Variants in TLE5 observed in about 807,000 individuals in gnomAD.
TLE5 encodes TLE family member 5.
TLE5 carries 7 observed loss-of-function variants against 25.8 expected under a neutral mutation model. The ratio of observed to expected loss-of-function variants is 0.27; its 90% CI spans 0.15 to 0.51. TLE5 has a LOEUF of 0.51. TLE5 is among the 20% of genes least tolerant of loss of function. The probability of loss-of-function intolerance (pLI) is 0.97; values close to 1 mark genes in which losing one functional copy is unlikely to be tolerated. For synonymous variants in TLE5, 132 were observed against 110.5 expected (o/e 1.20, Z -1.22); for missense variants, 149 against 250.7 (o/e 0.59, Z 2.74).
Position 3,053,219 on chromosome 19 carries a change from C to G in TLE5, c.*600G>C, listed in dbSNP as rs1380220703. 2.6e-5 allele frequency: 4 copies of G among 152,560 alleles called. No homozygotes were observed. Among genetic ancestry groups the G allele is most frequent in the South Asian group, 4.1e-4 (2 of 4,834 alleles). 9.5% of individuals were successfully genotyped at this position (152,560 alleles called of 1,614,324 possible). A position where few individuals can be genotyped will look rare whatever the true frequency, so the allele number is the denominator to read the frequency against. ...GGAATCCTGGGTCGCCCACCCTCAC[C>G]CTGCTCCTCCCAGCTCAGCTAAGCT... On this transcript the variant is annotated 3_prime_UTR_variant, in exon 7 of 7. Transcript: ENST00000327141.
At chr19:3,062,782 G>A, upstream of TLE5, 4 of 1,549,516 alleles carry the variant, frequency 2.6e-6, no homozygotes, top group African/African-American at 1.4e-5. Context: ...CGGCCCTGCT[G>A]TGGCACGACC....
intron 5 of TLE5, 172 bp downstream of exon 5, chr19:3,055,492 C>T: frequency 2.2e-6 from 1 of 463,668 alleles, no homozygotes. Flanking sequence ...GTGTCTCTGG[C>T]CCGGGGATTC....
chr19:3,057,608 C>CCTCCCCTGGGAT (rs2090230707), intron 3 of TLE5, 71 bp downstream of exon 3: 4 of 1,458,124 alleles, frequency 2.7e-6, no homozygotes. Flanking sequence ...AGCAGCTGCC[C>CCTCCCCTGGGAT]GTGGTGGAGG....
At chr19:3,057,885 A>G (rs1363401689) in intron 2 of TLE5, 143 bp from the exon 3 acceptor site, 1 of 684,066 alleles carries the variant, frequency 1.5e-6, no homozygotes, top group Non-Finnish European at 2.5e-6. Flanking sequence ...TCAAGCAATA[A>G]TTTTTTTTTT....
rs1249319516 is a variant in TLE5 at position 3,057,718 on chromosome 19, C to T, written c.150G>A (p.Leu50=). ...GCTGCATCTCTGACTTCTCACTGGC[C>T]AACTTGTCACATTCGAGCTTGAGGC... The part of the protein sequence containing the change: ...YHSLKLECDK[L]ASEKSEMQRH... The change falls in exon 3 of 7, where the codon TTG becomes TTA. Residue 50 remains leucine (L), a synonymous_variant. Coordinates refer to ENST00000327141, the MANE Select transcript of TLE5 (RefSeq NM_001130.6). The T allele has an allele frequency of 6.2e-7, 1 of 1,613,696 alleles. No homozygotes were observed. Among genetic ancestry groups the T allele is most frequent in the Non-Finnish European group, 8.5e-7 (1 of 1,179,960 alleles).
intron 2 of TLE5, among the ~76,000 whole-genome samples, chr19:3,058,241 C>T (rs776230359): frequency 2.6e-5 from 4 of 152,088 alleles, no homozygotes; most frequent in African/African-American, 9.7e-5. Context: ...AGAGGGGGCA[C>T]GGTAACGCTA....
At chr19:3,061,953 C>T (rs1386843417) in intron 1 of TLE5, among the ~76,000 whole-genome samples, 2 of 44,292 alleles carry the variant, frequency 4.5e-5, no homozygotes, top group Non-Finnish European at 8.4e-5. Context: ...TGGGGTGGAT[C>T]GGGAACTGGA....
At chr19:3,054,086 T>TGGGGGGGGGGGCC in intron 6 of TLE5, 34 bp downstream of exon 6, 3 of 1,512,750 alleles carry the variant, frequency 2.0e-6, no homozygotes, top group Non-Finnish European at 2.7e-6. Context: ...GGCCCACCTG[T>TGGGGGGGGGGGCC]CCCCCGCCCA....
In TLE5 at chr19:3,053,696, A is replaced by G; in HGVS notation, c.*123T>C. ...GCTGGGGCCCCCGCCGGCGGCCACCATAAATACTATGGGAGTTTAGCCAAT... is the reference window on the plus strand; with the variant it reads ...GCTGGGGCCCCCGCCGGCGGCCACCGTAAATACTATGGGAGTTTAGCCAAT... On this transcript the variant is annotated 3_prime_UTR_variant, in exon 7 of 7. Coordinates refer to ENST00000327141, the MANE Select transcript of TLE5 (RefSeq NM_001130.6). The G allele has an allele frequency of 2.5e-6, 3 of 1,186,864 alleles. No individual in the cohort carries two copies. The highest frequency in any genetic ancestry group is 3.5e-6 in the Non-Finnish European group (3 of 859,832). The allele number at this position is 1,186,864 out of a possible 1,614,324, so 73.5% of individuals were successfully genotyped here.
chr19:3,053,745 C>A lies in TLE5; in HGVS notation c.*74G>T. The A allele has an allele frequency of 6.7e-7, 1 of 1,503,190 alleles. No homozygotes were observed. The allele number at this position is 1,503,190 out of a possible 1,614,324, so 93.1% of individuals were successfully genotyped here. A position where few individuals can be genotyped will look rare whatever the true frequency, so the allele number is the denominator to read the frequency against. On this transcript the variant is annotated 3_prime_UTR_variant, in exon 7 of 7. Transcript: ENST00000327141. ...ATCCCGAGCTCCGCTGTGTCTTGTG[C>A]TAAACATTCCTTTCTCTCCGTGCCT...
rs1373198803 is a variant in TLE5 at position 3,061,448 on chromosome 19, G to C, written c.28-191C>G. Reference sequence around the variant, plus strand: ...CCGCCTCTCCCGGGGGAAGCCGAGCGGGTGGGTGCGCCCGGAGCCGCCCCG... The same window carrying C: ...CCGCCTCTCCCGGGGGAAGCCGAGCCGGTGGGTGCGCCCGGAGCCGCCCCG... On this transcript the variant is annotated intron_variant, in intron 1 of 6. Transcript: ENST00000327141. 4 of 420,526 alleles carry C rather than the reference G, an allele frequency of 9.5e-6. No homozygotes were observed. The East Asian group carries it at 1.9e-4, about 20-fold the overall frequency. The allele number at this position is 420,526 out of a possible 1,614,324, so 26.0% of individuals were successfully genotyped here. A position where few individuals can be genotyped will look rare whatever the true frequency, so the allele number is the denominator to read the frequency against.
upstream of TLE5, chr19:3,062,923 C>A: frequency 9.7e-7 from 1 of 1,034,120 alleles, no homozygotes; most frequent in Non-Finnish European, 1.5e-6. Flanking sequence ...ATTCTTGTGA[C>A]ACATTTATAG....
intron 1 of TLE5, 146 bp from the exon 2 acceptor site, chr19:3,061,403 C>A: frequency 1.9e-6 from 1 of 514,106 alleles, no homozygotes; most frequent in Non-Finnish European, 3.3e-6. Flanking sequence ...TGGCGCGACC[C>A]CACCCGCGCT....
chr19:3,056,513 A>C (rs1466409560), intron 3 of TLE5, 157 bp from the exon 4 acceptor site: 2 of 597,962 alleles, frequency 3.3e-6, no homozygotes, highest in Admixed American at 2.6e-5. Context: ...GGTGGGAGGG[A>C]AAGAGGAGGG....
At chr19:3,061,392 C>T in intron 1 of TLE5, 135 bp from the exon 2 acceptor site, 1 of 569,348 alleles carries the variant, frequency 1.8e-6, no homozygotes, top group South Asian at 2.2e-5. Flanking sequence ...TTTACGGCCC[C>T]TGGCGCGACC....
Position 3,062,422 on chromosome 19 carries a change from C to G in TLE5, c.-222G>C. On this transcript the variant is annotated 5_prime_UTR_variant, in exon 1 of 7. Transcript: ENST00000327141. ...CTTCCTGCGCGCCCGGCGCCCCTCCCCGCCCCTCCCCGCCGCCCGCCTCCC... is the reference window on the plus strand; with the variant it reads ...CTTCCTGCGCGCCCGGCGCCCCTCCGCGCCCCTCCCCGCCGCCCGCCTCCC... The G allele has an allele frequency of 1.3e-6, 1 of 776,504 alleles. No homozygotes were observed. Among genetic ancestry groups the G allele is most frequent in the Non-Finnish European group, 1.6e-6 (1 of 642,370 alleles). The allele number at this position is 776,504 out of a possible 1,614,324, so 48.1% of individuals were successfully genotyped here. A position where few individuals can be genotyped will look rare whatever the true frequency, so the allele number is the denominator to read the frequency against.
chr19:3,055,805 C>A, intron 4 of TLE5, 79 bp from the exon 5 acceptor site: 1 of 1,425,374 alleles, frequency 7.0e-7, no homozygotes. Flanking sequence ...CTGCGCGGGG[C>A]CCGGCCCAGC....
chr19:3,057,880 CAATAATTTTTTTTTTA>C, intron 2 of TLE5, 138 bp from the exon 3 acceptor site: 1 of 764,106 alleles, frequency 1.3e-6, no homozygotes, highest in Admixed American at 2.5e-5. Context: ...GAGGGTCAAG[CAATAATTTTTTTTTTA>C]AATTGAGACG....
intron 5 of TLE5, chr19:3,054,829 G>C (rs1488587043): frequency 6.5e-6 from 1 of 153,414 alleles, no homozygotes; most frequent in African/African-American, 2.4e-5. Flanking sequence ...AGGGCTCCAA[G>C]TGCCCTTTTC....
Sources: gnomAD v4.1 joint callset for allele counts (sites outside exome capture counted in the v4.1 genomes callset) on GRCh38, gnomAD v4.1.1 for gene constraint, MANE v1.5 for transcripts, NCBI Gene and HGNC (gene_info 2026-07-23, HGNC 2026-07-21) for gene names.